KAZN: variants seen among roughly 807,000 people sequenced by gnomAD.
The protein encoded by KAZN is kazrin, periplakin interacting protein, also known as kazrin.
Under a neutral mutation model 87.4 loss-of-function variants are expected in KAZN, and 40 were observed. The ratio of observed to expected loss-of-function variants is 0.46; its 90% confidence interval spans 0.36 to 0.60. The LOEUF (loss-of-function observed/expected upper bound fraction) is 0.60, where lower values mean the gene tolerates loss of function less well. Among genes scored for constraint, KAZN ranks in the 20% least tolerant of loss-of-function variants. The pLI is 0.00. For missense variants in KAZN, 898 were observed against 1,073.9 expected, an observed-to-expected ratio of 0.84 and a Z score of 2.29; for synonymous variants, 466 against 458.3, an observed-to-expected ratio of 1.02 and a Z score of -0.22.
At chr1:14,566,838 G>C (rs934937170) in intron 2 of KAZN, among the ~76,000 whole-genome samples, 1 of 152,146 alleles carries the variant, frequency 6.6e-6, no homozygotes, top group Non-Finnish European at 1.5e-5. Flanking sequence ...GAATTAAAAA[G>C]ACTCAGGGTC....
Position 14,789,760 on chromosome 1 carries a change from C to CA in KAZN, c.227-170887dup, listed in dbSNP as rs3032757. 8.3e-3 allele frequency among the ~76,000 whole-genome samples: 386 copies of CA among 46,242 alleles called. 39 individuals carry two copies. Among genetic ancestry groups the CA allele is most frequent in the East Asian group, 0.015 (17 of 1,098 alleles). The allele number at this position is 46,242 out of a possible 152,430, so 30.3% of individuals were successfully genotyped here. ...GCAAGGACTCTAAGCTCCTCATTAC[C>CA]AAAAAAAAAAAAAAAAAAAAAAAAA... On this transcript the variant is annotated intron_variant, in intron 1 of 14. Transcript: ENST00000376030.
At chr1:14,053,136 A>G (rs986783805) in intron 1 of KAZN, among the ~76,000 whole-genome samples, 1 of 152,214 alleles carries the variant, frequency 6.6e-6, no homozygotes, top group African/African-American at 2.4e-5. Flanking sequence ...TACATCACAC[A>G]GGGCTCTGTT....
chr1:14,831,339 TCTGCTGCTG>T (rs565802471), intron 1 of KAZN, among the ~76,000 whole-genome samples: 12 of 152,074 alleles, frequency 7.9e-5, no homozygotes, highest in Admixed American at 7.9e-4. Flanking sequence ...TCCCAGTTCC[TCTGCTGCTG>T]CTGCTGCTGC....
intron 3 of KAZN, among the ~76,000 whole-genome samples, chr1:15,042,636 C>T (rs552781167): frequency 3.3e-5 from 5 of 152,198 alleles, no homozygotes; most frequent in Non-Finnish European, 5.9e-5. Flanking sequence ...AGGGATGACT[C>T]ACAGCAGTCA....
chr1:15,056,281 G>A lies in KAZN; in HGVS notation c.916+1G>A. On this transcript the variant is annotated splice_donor_variant, in intron 5 of 14. Transcript: ENST00000376030. LOFTEE classifies it high-confidence loss of function. The surrounding 1 kb of genome is among the most constrained non-coding windows in gnomAD (Gnocchi z 5.4). ...CCCCCTCACCCTGCGGACCGGCAAG[G>A]TGAGTCCTGCCCTGGCCTGGCTCCA... 1 of 1,601,580 alleles carries A rather than the reference G, an allele frequency of 6.2e-7. No homozygotes were observed. Among genetic ancestry groups the A allele is most frequent in the Non-Finnish European group, 8.5e-7 (1 of 1,170,446 alleles).
chr1:14,898,352 CT>C (rs1195295085), intron 1 of KAZN, among the ~76,000 whole-genome samples: 1 of 152,178 alleles, frequency 6.6e-6, no homozygotes, highest in African/African-American at 2.4e-5. Context: ...TGAGACGGTT[CT>C]GCTCCTCAGA....
chr1:14,539,636 T>C (rs1326616827), intron 2 of KAZN, among the ~76,000 whole-genome samples: 3 of 152,132 alleles, frequency 2.0e-5, no homozygotes, highest in Non-Finnish European at 4.4e-5. Context: ...GACCCCTAGA[T>C]ATTTTTGTAA....
intron 2 of KAZN, among the ~76,000 whole-genome samples, chr1:14,969,187 G>A (rs1664766410): frequency 6.6e-6 from 1 of 152,360 alleles, no homozygotes; most frequent in East Asian, 1.9e-4. Flanking sequence ...CTGTGCTGGG[G>A]CGGCCATGCC....
At chr1:14,495,278 A>G (rs1012530306) in intron 2 of KAZN, among the ~76,000 whole-genome samples, 1 of 152,212 alleles carries the variant, frequency 6.6e-6, no homozygotes, top group African/African-American at 2.4e-5. Flanking sequence ...TGATTAAAAG[A>G]AAACCATAAA....
intron 2 of KAZN, among the ~76,000 whole-genome samples, chr1:14,326,651 ACCTCTCTCT>A (rs1483823152): frequency 6.6e-6 from 1 of 150,406 alleles, no homozygotes; most frequent in Non-Finnish European, 1.5e-5. Context: ...TACCTCTCTC[ACCTCTCTCT>A]CCTCTTTCCA....
intron 2 of KAZN, among the ~76,000 whole-genome samples, chr1:14,393,104 T>C (rs1662595689): frequency 1.3e-5 from 2 of 152,166 alleles, no homozygotes; most frequent in Non-Finnish European, 2.9e-5. Context: ...TTTTTAAGGT[T>C]CCACCATCTC....
In KAZN at chr1:14,839,115, G is replaced by A. The variant is rs573852791; in HGVS notation, c.227-121569G>A. On this transcript the variant is annotated intron_variant, in intron 1 of 14. Coordinates refer to ENST00000376030, the MANE Select transcript of KAZN (RefSeq NM_201628.3). ...TTCCTAAACCTGCCCTGCCTGTCCT[G>A]CCACTTCGGAGCACTAACACTTAGT... is the stretch of plus-strand genomic sequence containing the variant. Among the ~76,000 whole-genome samples, 16 of 152,258 alleles carry A rather than the reference G, an allele frequency of 1.1e-4. No individual in the cohort carries two copies. The South Asian group carries it at 3.3e-3, about 32-fold the overall frequency.
At chr1:14,021,832 C>T (rs1393893166) in intron 1 of KAZN, among the ~76,000 whole-genome samples, 1 of 151,966 alleles carries the variant, frequency 6.6e-6, no homozygotes, top group African/African-American at 2.4e-5. Context: ...CAATTTGTTC[C>T]AACAGCTGCA....
intron 1 of KAZN, among the ~76,000 whole-genome samples, chr1:14,907,366 C>T (rs1341378104): frequency 6.7e-6 from 1 of 149,948 alleles, no homozygotes; most frequent in Non-Finnish European, 1.5e-5. Flanking sequence ...TGCACCACTG[C>T]ACTCCAGCCT....
chr1:14,140,158 A>G (rs1471404186), intron 1 of KAZN, among the ~76,000 whole-genome samples: 1 of 152,128 alleles, frequency 6.6e-6, no homozygotes, highest in Non-Finnish European at 1.5e-5. Context: ...CTTAAAGGGA[A>G]GGGCTTTATG....
chr1:14,319,024 T>G (rs1655861616), intron 2 of KAZN, among the ~76,000 whole-genome samples: 2 of 113,572 alleles, frequency 1.8e-5, no homozygotes, highest in African/African-American at 6.0e-5. Context: ...ATTTATTTAT[T>G]TATTTATTTA....
intron 1 of KAZN, among the ~76,000 whole-genome samples, chr1:14,757,561 T>C (rs1256987038): frequency 6.6e-6 from 1 of 152,220 alleles, no homozygotes; most frequent in Non-Finnish European, 1.5e-5. Flanking sequence ...GAAAAACAGA[T>C]ACAATTTATG....
chr1:14,577,389 T>C (rs1675258326), intron 2 of KAZN, among the ~76,000 whole-genome samples: 1 of 152,198 alleles, frequency 6.6e-6, no homozygotes, highest in African/African-American at 2.4e-5. Context: ...TTAATAAATC[T>C]GAGCATAAAG....
chr1:14,251,408 T>G (rs921163610), intron 2 of KAZN, among the ~76,000 whole-genome samples: 7 of 152,186 alleles, frequency 4.6e-5, no homozygotes, highest in African/African-American at 1.7e-4. Context: ...TTGGGTTATC[T>G]CTTCTTTGTT....
Sources: allele counts gnomAD v4.1 joint callset (sites outside exome capture counted in the v4.1 genomes callset), GRCh38; gene constraint gnomAD v4.1.1; non-coding constraint Gnocchi (gnomAD v3.1); transcripts MANE v1.5; gene names NCBI Gene and HGNC (gene_info 2026-07-23, HGNC 2026-07-21).